Variants in MEGF9 observed in about 807,000 individuals in gnomAD.
MEGF9 encodes the protein multiple EGF like domains 9.
Under a neutral mutation model 46.8 loss-of-function variants are expected in MEGF9, and 6 were observed. That is an observed-to-expected ratio of 0.13 (90% CI 0.07 to 0.25). The LOEUF is 0.25. MEGF9 is among the 10% of genes least tolerant of loss of function. The pLI, the probability that MEGF9 is intolerant of heterozygous loss-of-function variation, is 1.00. For missense variants in MEGF9, 683 were observed against 792.4 expected, an observed-to-expected ratio of 0.86 and a Z score of 1.66; for synonymous variants, 302 against 330.7, an observed-to-expected ratio of 0.91 and a Z score of 0.94.
rs1173047863 is a variant in MEGF9 at position 120,675,887 on chromosome 9, CA to C, written c.602-16313del. On this transcript the variant is annotated intron_variant, in intron 1 of 5. Coordinates refer to ENST00000373930, the MANE Select transcript of MEGF9 (RefSeq NM_001080497.3). ...TGGCCGACAGAGCGAGACTCCATCT[CA>C]AAAAAAAAAAAAAAAAAAAAAACAA... Among the ~76,000 whole-genome samples the C allele has an allele frequency of 6.5e-3, 379 of 58,154 alleles. 2 individuals are homozygous for C. Among genetic ancestry groups the C allele is most frequent in the East Asian group, 0.047 (83 of 1,750 alleles). The allele number at this position is 58,154 out of a possible 152,430, so 38.2% of individuals were successfully genotyped here.
intron 4 of MEGF9, among the ~76,000 whole-genome samples, chr9:120,610,152 A>G (rs554637468): frequency 6.6e-6 from 1 of 152,206 alleles, no homozygotes; most frequent in Non-Finnish European, 1.5e-5. Flanking sequence ...AAAAGGTGGC[A>G]GCTGAATTAT....
intron 4 of MEGF9, among the ~76,000 whole-genome samples, chr9:120,608,956 A>T (rs993079126): frequency 1.3e-5 from 2 of 152,160 alleles, no homozygotes; most frequent in African/African-American, 4.8e-5. Flanking sequence ...TCTCACCTAG[A>T]TTATTGTAGC....
Position 120,622,719 on chromosome 9 carries a change from G to A in MEGF9, c.840C>T (p.Gly280=), listed in dbSNP as rs773371550. ...CATCTTGGCATCGGTCACATATAGA[G>A]CCAATGACACCCACTTTGCACTGGC... ...GKCQCKVGVI[G]SICDRCQDGY... Residue 280 remains glycine, a synonymous_variant, in exon 3 of 6, where the codon GGC becomes GGT. Transcript: ENST00000373930. 1.2e-5 allele frequency: 20 copies of A among 1,613,656 alleles called. No homozygotes were observed. The South Asian group carries it at 2.2e-4, about 18-fold the overall frequency.
At chr9:120,633,822 T>C (rs1027037638) in intron 2 of MEGF9, among the ~76,000 whole-genome samples, 4 of 152,184 alleles carry the variant, frequency 2.6e-5, no homozygotes, top group Non-Finnish European at 4.4e-5. Context: ...TCCAAGAAAT[T>C]TTAAAATTTC....
At chr9:120,702,325 TG>T (rs1415387314) in intron 1 of MEGF9, among the ~76,000 whole-genome samples, 1 of 152,216 alleles carries the variant, frequency 6.6e-6, no homozygotes, top group African/African-American at 2.4e-5. Context: ...TAAGTGGCCC[TG>T]GGTAATATCA....
intron 1 of MEGF9, among the ~76,000 whole-genome samples, chr9:120,711,751 A>C (rs940157663): frequency 1.3e-5 from 2 of 152,018 alleles, no homozygotes; most frequent in African/African-American, 4.8e-5. Flanking sequence ...AGAGAATCTA[A>C]TTCATTCTTT....
rs369803126 is a variant in MEGF9, at chr9:120,692,741, C to CAAGT, written c.601+21016_601+21017insACTT. On this transcript the variant is annotated intron_variant, in intron 1 of 5. Transcript: ENST00000373930. The stretch of plus-strand genomic sequence containing the variant: ...CCTAAATGGGCCATGTATGTGCTCT[C>CAAGT]TTACTTCTGTACTTTTTCAACAGGC... Among the ~76,000 whole-genome samples, 128 of 152,276 alleles carry CAAGT rather than the reference C, an allele frequency of 8.4e-4. 1 individual carries two copies. Among genetic ancestry groups the CAAGT allele is most frequent in the African/African-American group, 2.9e-3 (121 of 41,574 alleles).
chr9:120,634,967 T>G (rs78496722), intron 2 of MEGF9, among the ~76,000 whole-genome samples: 2,997 of 152,320 alleles, frequency 0.02, 111 homozygotes, highest in African/African-American at 0.069. Flanking sequence ...CTTACAGATG[T>G]AGGACTCCCT....
intron 2 of MEGF9, among the ~76,000 whole-genome samples, chr9:120,637,129 C>T (rs1326159006): frequency 1.3e-5 from 2 of 152,174 alleles, no homozygotes; most frequent in Non-Finnish European, 2.9e-5. Context: ...TTACCCCCAA[C>T]CCCATGCTCT....
chr9:120,664,792 T>A (rs1224832531), intron 1 of MEGF9, among the ~76,000 whole-genome samples: 3 of 152,322 alleles, frequency 2.0e-5, no homozygotes, highest in East Asian at 3.9e-4. Context: ...TGAAATTCAA[T>A]CTACAGCCTT....
rs553870376 is a variant in MEGF9, at chr9:120,686,821, G to A, written c.601+26937C>T. Among the ~76,000 whole-genome samples the A allele has an allele frequency of 2.6e-5, 4 of 152,340 alleles. No individual in the cohort carries two copies. In the South Asian group the frequency reaches 8.3e-4, roughly 32 times the overall value. On this transcript the variant is annotated intron_variant, in intron 1 of 5. Transcript: ENST00000373930. ...AATATAGCATAGTACTTGGCACACA[G>A]TCTTCCTTCCCTTTCAACTCTCTGG...
chr9:120,695,603 CAAAAAAAAAAAAA>C (rs370281228), intron 1 of MEGF9, among the ~76,000 whole-genome samples: 4 of 18,688 alleles, frequency 2.1e-4, no homozygotes, highest in South Asian at 3.2e-3. Flanking sequence ...GACCCCATCT[CAAAAAAAAAAAAA>C]AAAAAAAAAA....
chr9:120,698,315 C>T (rs968791055), intron 1 of MEGF9, among the ~76,000 whole-genome samples: 1 of 152,176 alleles, frequency 6.6e-6, no homozygotes, highest in Non-Finnish European at 1.5e-5. Context: ...TGGACAATGG[C>T]TGTTTTGGGG....
intron 2 of MEGF9, among the ~76,000 whole-genome samples, chr9:120,629,542 G>T (rs895530324): frequency 1.3e-5 from 2 of 152,164 alleles, no homozygotes; most frequent in Admixed American, 6.5e-5. Context: ...GGAGGCTGAG[G>T]CATGAGACTT....
At chr9:120,631,066 T>C (rs1020470454) in intron 2 of MEGF9, among the ~76,000 whole-genome samples, 1 of 152,240 alleles carries the variant, frequency 6.6e-6, no homozygotes, top group Non-Finnish European at 1.5e-5. Flanking sequence ...AGCACTGCCC[T>C]GAAACATTTC....
intron 5 of MEGF9, among the ~76,000 whole-genome samples, chr9:120,607,432 G>A (rs2043424083): frequency 1.3e-5 from 2 of 152,070 alleles, no homozygotes; most frequent in South Asian, 2.1e-4. Flanking sequence ...GAGAATAAAG[G>A]AAGCAAAGAA....
At chr9:120,612,662 G>A in intron 3 of MEGF9, 123 bp from the exon 4 acceptor site, 2 of 809,284 alleles carry the variant, frequency 2.5e-6, no homozygotes, top group Non-Finnish European at 3.7e-6. Flanking sequence ...ATTGGATAGA[G>A]TTAATTTCTA....
intron 2 of MEGF9, among the ~76,000 whole-genome samples, chr9:120,635,209 A>G (rs916377919): frequency 2.0e-5 from 3 of 152,152 alleles, no homozygotes; most frequent in Admixed American, 2.0e-4. Flanking sequence ...TCCCTTATAC[A>G]TGACTTGACA....
At chr9:120,683,685 C>G (rs1201307481) in intron 1 of MEGF9, among the ~76,000 whole-genome samples, 1 of 152,042 alleles carries the variant, frequency 6.6e-6, no homozygotes, top group African/African-American at 2.4e-5. Flanking sequence ...AGTTTGAAAA[C>G]TGGCAGTGTG....
Sources: gnomAD v4.1 joint callset for allele counts (sites outside exome capture counted in the v4.1 genomes callset) on GRCh38, gnomAD v4.1.1 for gene constraint, MANE v1.5 for transcripts, NCBI Gene and HGNC (gene_info 2026-07-23, HGNC 2026-07-21) for gene names.